SMOC1: variants seen among roughly 807,000 people sequenced by gnomAD.
SMOC1 encodes the protein SPARC related modular calcium binding 1, also known as SPARC-related modular calcium-binding protein 1.
A neutral mutation model predicts 56.3 loss-of-function variants in SMOC1; 22 were observed. That is an observed-to-expected ratio of 0.39 (90% CI 0.28 to 0.56). The LOEUF (loss-of-function observed/expected upper bound fraction) is 0.56, where lower values mean the gene tolerates loss of function less well. Among genes scored for constraint, SMOC1 ranks in the 20% least tolerant of loss-of-function variants. The pLI is 0.61. For synonymous variants in SMOC1, 193 were observed against 215.0 expected (o/e 0.90, Z 0.89); for missense variants, 509 against 565.4 (o/e 0.90, Z 1.01).
chr14:69,937,460 A>G (rs1885324270), intron 1 of SMOC1, among the ~76,000 whole-genome samples: 2 of 152,150 alleles, frequency 1.3e-5, no homozygotes, highest in Non-Finnish European at 2.9e-5. Flanking sequence ...TTGGTTTTCC[A>G]CTGATCTCCC....
At chr14:69,969,561 A>G (rs1223752205) in intron 3 of SMOC1, among the ~76,000 whole-genome samples, 3 of 152,174 alleles carry the variant, frequency 2.0e-5, no homozygotes, top group African/African-American at 7.2e-5. Context: ...CTAAACATTC[A>G]TGAGAAACCC....
intron 1 of SMOC1, among the ~76,000 whole-genome samples, chr14:69,932,438 G>C (rs1885191559): frequency 6.6e-6 from 1 of 152,196 alleles, no homozygotes; most frequent in Non-Finnish European, 1.5e-5. Context: ...CTGGGGGTGT[G>C]CTGAGTGAAA....
intron 1 of SMOC1, among the ~76,000 whole-genome samples, chr14:69,888,789 T>G (rs1883881561): frequency 6.6e-6 from 1 of 152,200 alleles, no homozygotes; most frequent in Admixed American, 6.5e-5. Context: ...TTAAATAATT[T>G]TTATGGATGT....
In SMOC1 at chr14:70,030,425, T is replaced by A; in HGVS notation, c.*167T>A. On this transcript the variant is annotated 3_prime_UTR_variant, in exon 12 of 12. Transcript: ENST00000361956. ...CTTACTTGCGTGTTTTGTTTTTGGT[T>A]TCATTTTAAAACACCAATATCTAAT... 1.2e-6 allele frequency: 1 copy of A among 829,590 alleles called. No individual in the cohort carries two copies. The highest frequency in any genetic ancestry group is 1.9e-6 in the Non-Finnish European group (1 of 527,376). The allele number at this position is 829,590 out of a possible 1,614,324, so 51.4% of individuals were successfully genotyped here. A position where few individuals can be genotyped will look rare whatever the true frequency, so the allele number is the denominator to read the frequency against.
intron 1 of SMOC1, among the ~76,000 whole-genome samples, chr14:69,921,402 A>G (rs1884838530): frequency 6.6e-6 from 1 of 152,112 alleles, no homozygotes; most frequent in Non-Finnish European, 1.5e-5. Flanking sequence ...TTTCATTTCC[A>G]CTGACTCACT....
chr14:70,012,011 C>T (rs1314035524), intron 9 of SMOC1, among the ~76,000 whole-genome samples: 3 of 152,262 alleles, frequency 2.0e-5, no homozygotes, highest in Non-Finnish European at 2.9e-5. Flanking sequence ...ACACAAGACA[C>T]ATAGGCAGGG....
intron 1 of SMOC1, among the ~76,000 whole-genome samples, chr14:69,951,584 A>G (rs1594819453): frequency 1.3e-5 from 2 of 152,350 alleles, no homozygotes; most frequent in Admixed American, 1.3e-4. Context: ...GAGGGATGAT[A>G]GATTTGGAGC....
intron 1 of SMOC1, among the ~76,000 whole-genome samples, chr14:69,907,179 A>G (rs1311774318): frequency 1.3e-5 from 2 of 152,200 alleles, no homozygotes; most frequent in Non-Finnish European, 2.9e-5. Flanking sequence ...GCCAGAACTT[A>G]AAACTAGTCT....
intron 1 of SMOC1, among the ~76,000 whole-genome samples, chr14:69,925,713 C>A (rs1454974808): frequency 6.6e-6 from 1 of 152,128 alleles, no homozygotes; most frequent in African/African-American, 2.4e-5. Context: ...CTGGAGGAAG[C>A]AAACAAAGAG....
At chr14:70,011,024 C>T (rs1224373509) in intron 8 of SMOC1, 78 bp downstream of exon 8, 3 of 1,546,266 alleles carry the variant, frequency 1.9e-6, no homozygotes, top group Non-Finnish European at 2.7e-6. Context: ...AGTGTTCCTG[C>T]CCTGGTCTGG....
intron 7 of SMOC1, among the ~76,000 whole-genome samples, chr14:70,009,537 A>T (rs1885259911): frequency 6.6e-6 from 1 of 152,234 alleles, no homozygotes; most frequent in South Asian, 2.1e-4. Context: ...TGCTCTTAAG[A>T]AGGGTATTTT....
chr14:69,982,940 G>A (rs916374996), intron 5 of SMOC1, among the ~76,000 whole-genome samples: 4 of 152,208 alleles, frequency 2.6e-5, no homozygotes, highest in African/African-American at 7.2e-5. Context: ...GAGGCAGCTC[G>A]TTTGCTTTCT....
At chr14:69,929,770 G>C (rs2139387516) in intron 1 of SMOC1, among the ~76,000 whole-genome samples, 1 of 152,312 alleles carries the variant, frequency 6.6e-6, no homozygotes, top group Non-Finnish European at 1.5e-5. Flanking sequence ...AACACAGGTG[G>C]AACTGCTTCT....
chr14:69,913,047 T>A (rs556508719), intron 1 of SMOC1, among the ~76,000 whole-genome samples: 22 of 152,316 alleles, frequency 1.4e-4, no homozygotes, highest in African/African-American at 4.6e-4. Context: ...GAGACACAGA[T>A]CATGCACAGT....
chr14:69,985,019 G>A (rs1244746474), intron 5 of SMOC1, among the ~76,000 whole-genome samples: 1 of 150,792 alleles, frequency 6.6e-6, no homozygotes, highest in African/African-American at 2.5e-5. Flanking sequence ...TGGTGATGGA[G>A]TGAGACCCTG....
At chr14:69,946,039 T>G (rs1414284851) in intron 1 of SMOC1, among the ~76,000 whole-genome samples, 4 of 152,232 alleles carry the variant, frequency 2.6e-5, no homozygotes, top group Non-Finnish European at 5.9e-5. Context: ...TCCTCCCAGA[T>G]GGAACCTTAG....
intron 11 of SMOC1, among the ~76,000 whole-genome samples, chr14:70,024,338 G>A (rs1216087234): frequency 6.6e-6 from 1 of 152,044 alleles, no homozygotes; most frequent in Non-Finnish European, 1.5e-5. Flanking sequence ...CCTAAACCAG[G>A]GCTCAGCAAA....
At chr14:70,027,176 T>G (rs980546285) in intron 11 of SMOC1, among the ~76,000 whole-genome samples, 1 of 152,160 alleles carries the variant, frequency 6.6e-6, no homozygotes, top group African/African-American at 2.4e-5. Context: ...TTTTGCAGTC[T>G]AGGAGTCAAG....
intron 7 of SMOC1, among the ~76,000 whole-genome samples, chr14:70,004,228 A>G (rs998273763): frequency 3.3e-5 from 5 of 152,096 alleles, no homozygotes; most frequent in African/African-American, 9.7e-5. Flanking sequence ...TCTTCCGCGT[A>G]TGGTTCTCTG....
Sources: allele counts gnomAD v4.1 joint callset (sites outside exome capture counted in the v4.1 genomes callset), GRCh38; gene constraint gnomAD v4.1.1; transcripts MANE v1.5; gene names NCBI Gene and HGNC (gene_info 2026-07-23, HGNC 2026-07-21).